The following KLHL1 variants were observed in gnomAD, a reference collection of about 807,000 sequenced individuals.
KLHL1 encodes kelch like family member 1.
KLHL1 carries 47 observed loss-of-function variants against 77.7 expected under a neutral mutation model. The observed-to-expected ratio is 0.60, with a 90% CI of 0.48 to 0.77. The LOEUF is 0.77. Ranked by LOEUF, KLHL1 falls within the 30% of genes least tolerant of loss-of-function variation. The pLI, the probability that KLHL1 is intolerant of heterozygous loss-of-function variation, is 0.00. For synonymous variants in KLHL1, 360 were observed against 325.2 expected (o/e 1.11, Z -1.15); for missense variants, 925 against 910.8 (o/e 1.02, Z -0.20).
At chr13:69,773,863 C>CTATATA (rs72007331) in intron 7 of KLHL1, among the ~76,000 whole-genome samples, 11 of 146,048 alleles carry the variant, frequency 7.5e-5, no homozygotes, top group African/African-American at 2.5e-4. Context: ...AAGTCCTTGG[C>CTATATA]TATATATATA....
intron 5 of KLHL1, among the ~76,000 whole-genome samples, chr13:69,879,528 T>C (rs1458722964): frequency 6.6e-6 from 1 of 152,114 alleles, no homozygotes; most frequent in Non-Finnish European, 1.5e-5. Flanking sequence ...ATATTAATCA[T>C]TCGAAAAAAA....
At chr13:69,900,468 G>A (rs12429576) in intron 4 of KLHL1, among the ~76,000 whole-genome samples, 8,932 of 152,150 alleles carry the variant, frequency 0.059, 333 homozygotes, top group African/African-American at 0.094. Context: ...TGTGGATTTC[G>A]GATTAGCGTT....
intron 7 of KLHL1, among the ~76,000 whole-genome samples, chr13:69,786,377 A>G (rs1177493415): frequency 6.6e-6 from 1 of 152,224 alleles, no homozygotes; most frequent in African/African-American, 2.4e-5. Context: ...AATGTAATCC[A>G]GCATATAAAC....
At chr13:69,894,614 T>C (rs1881563344) in intron 4 of KLHL1, 1 of 158,310 alleles carries the variant, frequency 6.3e-6, no homozygotes, top group Non-Finnish European at 1.4e-5. Context: ...ATCACCTCAG[T>C]AATTCTAAAA....
intron 3 of KLHL1, among the ~76,000 whole-genome samples, chr13:69,944,167 G>A (rs574576449): frequency 4.4e-4 from 67 of 152,172 alleles, no homozygotes; most frequent in Non-Finnish European, 1.3e-4. Context: ...TATGGTATAT[G>A]AGCAACACCT....
intron 1 of KLHL1, among the ~76,000 whole-genome samples, chr13:70,084,464 C>CTTTTTT (rs1266369112): frequency 3.6e-4 from 46 of 129,040 alleles, no homozygotes; most frequent in African/African-American, 1.2e-3. Context: ...TCTTCTTCTT[C>CTTTTTT]TTTTTTTTTT....
At chr13:70,036,176 C>G (rs1416349481) in intron 1 of KLHL1, among the ~76,000 whole-genome samples, 1 of 151,884 alleles carries the variant, frequency 6.6e-6, no homozygotes, top group Non-Finnish European at 1.5e-5. Flanking sequence ...ATGACACACA[C>G]CAGTTGTATC....
chr13:69,749,684 G>T (rs1874386559), intron 7 of KLHL1, among the ~76,000 whole-genome samples: 1 of 151,898 alleles, frequency 6.6e-6, no homozygotes, highest in Non-Finnish European at 1.5e-5. Context: ...ATATGGAGAA[G>T]GAATTGAAGA....
At chr13:70,027,918 G>T (rs993722680) in intron 1 of KLHL1, among the ~76,000 whole-genome samples, 2 of 152,102 alleles carry the variant, frequency 1.3e-5, no homozygotes, top group Non-Finnish European at 2.9e-5. Context: ...AGTGGCAAAG[G>T]ATTTGGTAAA....
chr13:70,078,083 A>G (rs868623886), intron 1 of KLHL1, among the ~76,000 whole-genome samples: 3 of 151,480 alleles, frequency 2.0e-5, no homozygotes, highest in South Asian at 2.1e-4. Flanking sequence ...TTTTTTCTGC[A>G]TTAGTTTTAC....
chr13:69,971,696 A>G (rs1459415529), intron 2 of KLHL1, among the ~76,000 whole-genome samples: 1 of 152,064 alleles, frequency 6.6e-6, no homozygotes, highest in African/African-American at 2.4e-5. Flanking sequence ...TGGAATTAGA[A>G]CCATATATTC....
At chr13:70,057,782 CAAAAAA>C (rs60920874) in intron 1 of KLHL1, among the ~76,000 whole-genome samples, 7 of 62,270 alleles carry the variant, frequency 1.1e-4, no homozygotes, top group Non-Finnish European at 1.7e-4. Flanking sequence ...GACTCCGTCT[CAAAAAA>C]AAAAAAAAAA....
chr13:69,998,947 C>A (rs1885221510), intron 1 of KLHL1, among the ~76,000 whole-genome samples: 1 of 151,970 alleles, frequency 6.6e-6, no homozygotes, highest in African/African-American at 2.4e-5. Context: ...CACATGACGT[C>A]TCCAGGTCTT....
At chr13:69,832,021 C>T (rs1878782234) in intron 6 of KLHL1, among the ~76,000 whole-genome samples, 1 of 149,950 alleles carries the variant, frequency 6.7e-6, no homozygotes, top group African/African-American at 2.5e-5. Context: ...TGAAAGCATT[C>T]CCCCTGAGAA....
At chr13:69,934,495 T>G (rs1425310200) in intron 4 of KLHL1, among the ~76,000 whole-genome samples, 1 of 152,092 alleles carries the variant, frequency 6.6e-6, no homozygotes, top group Non-Finnish European at 1.5e-5. Context: ...GCCTCTAGGG[T>G]ATACTAATCT....
At chr13:69,735,785 A>T (rs1258006689) in intron 8 of KLHL1, among the ~76,000 whole-genome samples, 2 of 151,798 alleles carry the variant, frequency 1.3e-5, no homozygotes, top group Non-Finnish European at 2.9e-5. Flanking sequence ...ATTTACAGGG[A>T]AAATTCTGAA....
intron 1 of KLHL1, among the ~76,000 whole-genome samples, chr13:69,999,439 C>T (rs1442998493): frequency 1.3e-5 from 2 of 152,038 alleles, no homozygotes; most frequent in Admixed American, 6.6e-5. Context: ...ATAATACATA[C>T]ATTTTTTGCT....
intron 3 of KLHL1, among the ~76,000 whole-genome samples, chr13:69,956,599 A>G (rs1883895479): frequency 6.6e-6 from 1 of 151,558 alleles, no homozygotes; most frequent in African/African-American, 2.4e-5. Flanking sequence ...AAAAGTACAC[A>G]AATCTGGTAA....
In KLHL1 at chr13:70,107,265, C is replaced by T; in HGVS notation, c.435G>A (p.Leu145=). ...TGTCTGGCTCCACTTTGAGCTCTTG[C>T]AGAACCAGCCCTTTTTCGTGTGGTC... ...FPGPHEKGLV[L]QELKVEPDNS... is the part of the protein sequence containing the mutation. Residue 145 remains leucine (L), a synonymous_variant, in exon 1 of 11, where the codon CTG becomes CTA. Transcript: ENST00000377844. The T allele has an allele frequency of 1.2e-6, 2 of 1,614,092 alleles. No homozygotes were observed. Among genetic ancestry groups the T allele is most frequent in the South Asian group, 2.2e-5 (2 of 91,082 alleles).
Sources: gnomAD v4.1 joint callset for allele counts (sites outside exome capture counted in the v4.1 genomes callset) on GRCh38, gnomAD v4.1.1 for gene constraint, MANE v1.5 for transcripts, NCBI Gene and HGNC (gene_info 2026-07-23, HGNC 2026-07-21) for gene names.